The following TBC1D22A variants were observed in gnomAD, a reference collection of about 807,000 sequenced individuals.
The protein encoded by TBC1D22A is putative GTPase activator.
In TBC1D22A, 38 loss-of-function variants were observed where a neutral mutation model predicts 60.2. The observed-to-expected ratio is 0.63, with a 90% CI of 0.49 to 0.83. TBC1D22A has a LOEUF of 0.83. TBC1D22A is among the 40% of genes least tolerant of loss of function. The pLI is 0.00. For synonymous variants in TBC1D22A, 302 were observed against 281.7 expected, an observed-to-expected ratio of 1.07 and a Z score of -0.72; for missense variants, 628 against 701.0, an observed-to-expected ratio of 0.90 and a Z score of 1.18.
chr22:46,898,391 A>C (rs1480228909), intron 7 of TBC1D22A, among the ~76,000 whole-genome samples: 1 of 152,246 alleles, frequency 6.6e-6, no homozygotes, highest in African/African-American at 2.4e-5. Flanking sequence ...CCTGGGAGAC[A>C]GGTCTATGTC....
At chr22:46,778,890 A>G (rs1221240151) in intron 1 of TBC1D22A, among the ~76,000 whole-genome samples, 1 of 152,094 alleles carries the variant, frequency 6.6e-6, no homozygotes, top group African/African-American at 2.4e-5. Flanking sequence ...CTAAAAGTAC[A>G]AAAATTAGCC....
chr22:46,930,919 A>G (rs537425396), intron 8 of TBC1D22A, among the ~76,000 whole-genome samples: 2 of 152,212 alleles, frequency 1.3e-5, no homozygotes, highest in African/African-American at 2.4e-5. Flanking sequence ...CAGTTTGATT[A>G]ACTTTACCGT....
chr22:47,011,616 A>C (rs1329243057), intron 10 of TBC1D22A, among the ~76,000 whole-genome samples: 1 of 152,240 alleles, frequency 6.6e-6, no homozygotes, highest in African/African-American at 2.4e-5. Context: ...GTGTGGCTTC[A>C]CATTGCTTCA....
At chr22:46,808,994 C>T (rs2085271223) in intron 4 of TBC1D22A, among the ~76,000 whole-genome samples, 1 of 152,212 alleles carries the variant, frequency 6.6e-6, no homozygotes. Flanking sequence ...TTCAAGTTTG[C>T]TTAAAATCCT....
intron 11 of TBC1D22A, among the ~76,000 whole-genome samples, chr22:47,066,654 C>A (rs2063782123): frequency 6.6e-6 from 1 of 152,202 alleles, no homozygotes; most frequent in Non-Finnish European, 1.5e-5. Context: ...TCCCACAGTT[C>A]CCTGTACCTT....
At chr22:46,879,029 T>TTTCAGCATAGA (rs2067712985) in intron 5 of TBC1D22A, among the ~76,000 whole-genome samples, 1 of 152,190 alleles carries the variant, frequency 6.6e-6, no homozygotes, top group Non-Finnish European at 1.5e-5. Context: ...GCATAGATGG[T>TTTCAGCATAGA]TGTTTCAACT....
intron 11 of TBC1D22A, among the ~76,000 whole-genome samples, chr22:47,049,364 T>TC: frequency 6.6e-6 from 1 of 152,376 alleles, no homozygotes; most frequent in East Asian, 1.9e-4. Flanking sequence ...CACGTCCACA[T>TC]CAGGGTCCCC....
chr22:46,862,278 C>G (rs62232679), intron 4 of TBC1D22A, among the ~76,000 whole-genome samples: 4,017 of 152,250 alleles, frequency 0.026, 73 homozygotes, highest in Non-Finnish European at 0.04. Flanking sequence ...GGTGACTGGC[C>G]CTCACGAAGT....
intron 8 of TBC1D22A, among the ~76,000 whole-genome samples, chr22:46,932,720 C>CTTTTTTTTTTTTTTTTT (rs67463903): frequency 1.5e-5 from 1 of 66,322 alleles, no homozygotes; most frequent in African/African-American, 6.8e-5. Context: ...GTCCTTCTTG[C>CTTTTTTTTTTTTTTTTT]TTTTTTTTTT....
intron 4 of TBC1D22A, among the ~76,000 whole-genome samples, chr22:46,835,778 A>G (rs2086490089): frequency 6.6e-6 from 1 of 152,182 alleles, no homozygotes. Context: ...CTATACTGAA[A>G]CACAATATAA....
chr22:47,068,302 G>A (rs956572088), intron 11 of TBC1D22A, among the ~76,000 whole-genome samples: 23 of 152,230 alleles, frequency 1.5e-4, no homozygotes, highest in African/African-American at 5.3e-4. Context: ...TAGAAAGCAG[G>A]CATCCTTGAC....
intron 4 of TBC1D22A, among the ~76,000 whole-genome samples, chr22:46,838,220 G>T (rs2086603003): frequency 6.6e-6 from 1 of 152,106 alleles, no homozygotes; most frequent in South Asian, 2.1e-4. Context: ...AGATTAAAAA[G>T]AACCTAAGAG....
At chr22:47,169,678 G>T (rs2068356088) in intron 12 of TBC1D22A, among the ~76,000 whole-genome samples, 2 of 152,340 alleles carry the variant, frequency 1.3e-5, no homozygotes, top group Admixed American at 1.3e-4. Context: ...CCCTCTGGCT[G>T]TGGCTTTGTT....
chr22:47,091,407 T>G (rs2064965157), intron 11 of TBC1D22A, among the ~76,000 whole-genome samples: 1 of 146,610 alleles, frequency 6.8e-6, no homozygotes, highest in South Asian at 2.2e-4. Flanking sequence ...AAGTCGTCTT[T>G]GGTGGGGAGT....
At chr22:47,114,951 A>C (rs149438876) in intron 12 of TBC1D22A, among the ~76,000 whole-genome samples, 99 of 149,168 alleles carry the variant, frequency 6.6e-4, no homozygotes, top group African/African-American at 2.3e-3. Context: ...TTTGAGCCTC[A>C]TGCGGGCATG....
rs369295801 is a variant in TBC1D22A at position 46,872,972 on chromosome 22, A to G, written c.638-5681A>G. Among the ~76,000 whole-genome samples, 11 of 152,198 alleles carry G rather than the reference A, an allele frequency of 7.2e-5. 1 individual carries two copies. In the East Asian group the frequency reaches 2.1e-3, roughly 29 times the overall value. On this transcript the variant is annotated intron_variant, in intron 4 of 12. Transcript: ENST00000337137. ...GAGCCATATGAACCTGGAAGAAACCATTCGTGTCCCTCCAGCCCTCTCTAT... is the reference window on the plus strand; with the variant it reads ...GAGCCATATGAACCTGGAAGAAACCGTTCGTGTCCCTCCAGCCCTCTCTAT...
intron 11 of TBC1D22A, among the ~76,000 whole-genome samples, chr22:47,058,580 C>T (rs1484028565): frequency 1.3e-5 from 2 of 151,964 alleles, no homozygotes; most frequent in Non-Finnish European, 2.9e-5. Flanking sequence ...CTTCTGCTTG[C>T]TCCAGGCCAC....
intron 8 of TBC1D22A, chr22:46,913,785 T>G: frequency 1.0e-6 from 1 of 984,322 alleles, no homozygotes; most frequent in Non-Finnish European, 1.2e-6. Flanking sequence ...TAAGTTTGTT[T>G]TAACTACTTT....
chr22:47,045,216 T>C (rs2062991515), intron 11 of TBC1D22A, among the ~76,000 whole-genome samples: 1 of 152,230 alleles, frequency 6.6e-6, no homozygotes, highest in Admixed American at 6.5e-5. Context: ...GAACTGTGGC[T>C]GCGTGGCACC....
Sources: gnomAD v4.1 joint callset for allele counts (sites outside exome capture counted in the v4.1 genomes callset) on GRCh38, gnomAD v4.1.1 for gene constraint, MANE v1.5 for transcripts, NCBI Gene and HGNC (gene_info 2026-07-23, HGNC 2026-07-21) for gene names.